Variants in CHODL observed in about 807,000 individuals in gnomAD.
CHODL encodes chondrolectin, also known as transmembrane protein MT75.
In CHODL, 29 loss-of-function variants were observed where a neutral mutation model predicts 34.5. That is an observed-to-expected ratio of 0.84 (90% confidence interval 0.63 to 1.15). CHODL has a LOEUF of 1.15. Among genes scored for constraint, CHODL ranks in the 50% most tolerant of loss-of-function variants. The pLI, the probability that CHODL is intolerant of heterozygous loss-of-function variation, is 0.00. For missense variants in CHODL, 332 were observed against 332.5 expected, an observed-to-expected ratio of 1.00 and a Z score of 0.01; for synonymous variants, 125 against 116.1, an observed-to-expected ratio of 1.08 and a Z score of -0.49.
intron 1 of CHODL, among the ~76,000 whole-genome samples, chr21:17,923,492 C>T (rs1398286577): frequency 4.9e-5 from 7 of 142,256 alleles, no homozygotes; most frequent in East Asian, 4.1e-4. Context: ...GACGAAGTCT[C>T]GCATTGTTGC....
intron 2 of CHODL, among the ~76,000 whole-genome samples, chr21:18,206,123 A>G (rs188415837): frequency 1.4e-3 from 218 of 152,316 alleles, no homozygotes; most frequent in African/African-American, 5.0e-3. Context: ...ACTGGATAAA[A>G]TGTTCCGTAA....
chr21:17,918,273 C>G (rs934516710), intron 1 of CHODL, among the ~76,000 whole-genome samples: 2 of 151,984 alleles, frequency 1.3e-5, no homozygotes, highest in Non-Finnish European at 2.9e-5. Context: ...TTCTGTGCCA[C>G]AATTTTCCAT....
Position 18,100,592 on chromosome 21 carries a change from A to G in CHODL, c.-45+72621A>G, listed in dbSNP as rs1340522981. ...GACTCAAGGACACCTGAAGAACTAC[A>G]AAAAGAAACAGTTTGAATTTGCTGC... On this transcript the variant is annotated intron_variant, in intron 2 of 6. Coordinates refer to the CHODL transcript ENST00000400127. Among the ~76,000 whole-genome samples the G allele has an allele frequency of 2.6e-5, 4 of 152,166 alleles. No individual in the cohort carries two copies. The East Asian group carries it at 7.7e-4, about 29-fold the overall frequency.
chr21:18,072,488 G>C (rs1029069008), intron 2 of CHODL, among the ~76,000 whole-genome samples: 1 of 152,068 alleles, frequency 6.6e-6, no homozygotes, highest in Non-Finnish European at 1.5e-5. Flanking sequence ...CGGGAATTTA[G>C]GAGAAGACTC....
chr21:18,017,908 C>T (rs2064090717), intron 1 of CHODL, among the ~76,000 whole-genome samples: 1 of 152,234 alleles, frequency 6.6e-6, no homozygotes, highest in Non-Finnish European at 1.5e-5. Context: ...CTGCTCAAGG[C>T]CTTGGGAGCC....
intron 1 of CHODL, among the ~76,000 whole-genome samples, chr21:17,962,209 T>G (rs553482278): frequency 6.6e-6 from 1 of 152,330 alleles, no homozygotes; most frequent in East Asian, 1.9e-4. Flanking sequence ...TTTATCCTCT[T>G]AAAGATGTAA....
At chr21:18,095,334 A>G (rs118020038) in intron 2 of CHODL, among the ~76,000 whole-genome samples, 9,647 of 152,172 alleles carry the variant, frequency 0.063, 439 homozygotes, top group Non-Finnish European at 0.088. Context: ...ATTACAGCTG[A>G]TACCACAGAA....
At chr21:18,057,013 G>A (rs1269754224) in intron 2 of CHODL, among the ~76,000 whole-genome samples, 4 of 152,096 alleles carry the variant, frequency 2.6e-5, no homozygotes, top group African/African-American at 9.7e-5. Context: ...GGACTGCAAT[G>A]TAGAGTTTTA....
intron 1 of CHODL, among the ~76,000 whole-genome samples, chr21:17,918,518 C>T (rs1044678057): frequency 6.6e-6 from 1 of 151,628 alleles, no homozygotes; most frequent in Admixed American, 6.6e-5. Flanking sequence ...TTAAAAACAT[C>T]AAATGTCTTG....
intron 2 of CHODL, among the ~76,000 whole-genome samples, chr21:18,170,557 A>C (rs2146657852): frequency 6.6e-6 from 1 of 152,120 alleles, no homozygotes; most frequent in East Asian, 1.9e-4. Context: ...TAATTTCCGT[A>C]TTATTTTATC....
intron 2 of CHODL, among the ~76,000 whole-genome samples, chr21:18,237,765 C>T (rs1039268612): frequency 2.0e-5 from 3 of 151,934 alleles, no homozygotes; most frequent in Admixed American, 1.3e-4. Flanking sequence ...AAAATTAACC[C>T]AAATTTCCCA....
intron 2 of CHODL, among the ~76,000 whole-genome samples, chr21:18,086,766 C>T (rs1197332054): frequency 6.6e-6 from 1 of 152,144 alleles, no homozygotes; most frequent in Non-Finnish European, 1.5e-5. Flanking sequence ...TTTTTCGGCC[C>T]CAGAGCAGCA....
At chr21:17,977,534 G>A (rs1338888226) in intron 1 of CHODL, among the ~76,000 whole-genome samples, 1 of 150,394 alleles carries the variant, frequency 6.6e-6, no homozygotes, top group African/African-American at 2.4e-5. Flanking sequence ...TAATTTTTTT[G>A]TATTTTTAGT....
intron 1 of CHODL, among the ~76,000 whole-genome samples, chr21:17,973,340 C>T (rs965779136): frequency 6.6e-6 from 1 of 151,958 alleles, no homozygotes; most frequent in Non-Finnish European, 1.5e-5. Context: ...AAACTATCAT[C>T]AGAGTGAACA....
intron 2 of CHODL, among the ~76,000 whole-genome samples, chr21:18,216,796 C>T (rs1180514533): frequency 6.6e-6 from 1 of 152,102 alleles, no homozygotes; most frequent in Non-Finnish European, 1.5e-5. Context: ...AAAAGAGAAG[C>T]GGGGAAGTCC....
chr21:18,183,625 A>G (rs531752925), intron 2 of CHODL, among the ~76,000 whole-genome samples: 1 of 152,230 alleles, frequency 6.6e-6, no homozygotes, highest in Non-Finnish European at 1.5e-5. Context: ...CCAGAAAAAG[A>G]AGGAAGTAAG....
At chr21:17,928,952 C>T (rs1654530294) in intron 1 of CHODL, among the ~76,000 whole-genome samples, 1 of 152,160 alleles carries the variant, frequency 6.6e-6, no homozygotes, top group Admixed American at 6.5e-5. Context: ...GAACTTCATG[C>T]AAGTATCATA....
chr21:17,933,986 G>A (rs2063298547), intron 1 of CHODL, among the ~76,000 whole-genome samples: 1 of 151,248 alleles, frequency 6.6e-6, no homozygotes. Context: ...GCAGTGAGCC[G>A]AGATCGAGTC....
At chr21:17,997,668 G>C (rs2063863779) in intron 1 of CHODL, among the ~76,000 whole-genome samples, 1 of 152,104 alleles carries the variant, frequency 6.6e-6, no homozygotes, top group South Asian at 2.1e-4. Context: ...CTTACATGGT[G>C]GTGGCAAGAG....
Sources: gnomAD v4.1 joint callset for allele counts (sites outside exome capture counted in the v4.1 genomes callset) on GRCh38, gnomAD v4.1.1 for gene constraint, MANE v1.5 for transcripts, NCBI Gene and HGNC (gene_info 2026-07-23, HGNC 2026-07-21) for gene names.